The following ZNF804B variants were observed in gnomAD, a reference collection of about 807,000 sequenced individuals.
ZNF804B encodes the protein zinc finger protein 804B.
In ZNF804B, 80 loss-of-function variants were observed where a neutral mutation model predicts 101.4. That is an observed-to-expected ratio of 0.79 (90% CI 0.66 to 0.95). The LOEUF (loss-of-function observed/expected upper bound fraction) is 0.95, where lower values mean the gene tolerates loss of function less well. Among genes scored for constraint, ZNF804B ranks in the 40% least tolerant of loss-of-function variants. The probability of loss-of-function intolerance (pLI) is 0.00; values close to 1 mark genes in which losing one functional copy is unlikely to be tolerated. For synonymous variants in ZNF804B, 622 were observed against 558.8 expected, an observed-to-expected ratio of 1.11 and a Z score of -1.59; for missense variants, 1,673 against 1,561.9, an observed-to-expected ratio of 1.07 and a Z score of -1.20.
intron 1 of ZNF804B, among the ~76,000 whole-genome samples, chr7:88,990,155 CAA>C (rs1377241698): frequency 6.6e-6 from 1 of 151,602 alleles, no homozygotes. Context: ...TTTCATGTAA[CAA>C]ATATATAAAA....
chr7:88,818,345 T>A (rs894298762), intron 1 of ZNF804B, among the ~76,000 whole-genome samples: 7 of 152,104 alleles, frequency 4.6e-5, no homozygotes, highest in Admixed American at 3.3e-4. Context: ...TTATCCTAAT[T>A]AAATAAATAA....
chr7:88,798,700 A>G (rs1790530957), intron 1 of ZNF804B, among the ~76,000 whole-genome samples: 1 of 152,096 alleles, frequency 6.6e-6, no homozygotes, highest in Non-Finnish European at 1.5e-5. Context: ...GTAAGTTCTG[A>G]CTAGATAGAA....
intron 2 of ZNF804B, among the ~76,000 whole-genome samples, chr7:89,305,470 G>A (rs546722448): frequency 2.5e-4 from 38 of 152,052 alleles, no homozygotes; most frequent in African/African-American, 8.4e-4. Context: ...TGAGTAGGTA[G>A]TGTCTCTGTC....
intron 1 of ZNF804B, among the ~76,000 whole-genome samples, chr7:88,909,179 C>T (rs12113884): frequency 0.071 from 10,783 of 151,762 alleles, 490 homozygotes; most frequent in East Asian, 0.25. Flanking sequence ...TGTTCCCTCC[C>T]TATATGGTCT....
chr7:88,991,593 A>G (rs1307400173), intron 1 of ZNF804B, among the ~76,000 whole-genome samples: 2 of 152,170 alleles, frequency 1.3e-5, no homozygotes, highest in Non-Finnish European at 2.9e-5. Flanking sequence ...CTACAACATG[A>G]GAATGAACAA....
At chr7:89,072,673 G>A (rs753805556) in intron 1 of ZNF804B, among the ~76,000 whole-genome samples, 1 of 152,122 alleles carries the variant, frequency 6.6e-6, no homozygotes, top group African/African-American at 2.4e-5. Context: ...AAATTCAGGA[G>A]AGTGACATGA....
At chr7:89,023,432 A>G (rs1788699811) in intron 1 of ZNF804B, among the ~76,000 whole-genome samples, 1 of 152,194 alleles carries the variant, frequency 6.6e-6, no homozygotes, top group Non-Finnish European at 1.5e-5. Context: ...AAATACCACA[A>G]ATACTTTGCT....
At chr7:89,187,987 C>G (rs891187465) in intron 1 of ZNF804B, among the ~76,000 whole-genome samples, 9 of 152,092 alleles carry the variant, frequency 5.9e-5, no homozygotes, top group African/African-American at 2.2e-4. Context: ...AGGACTTATA[C>G]CACATTTGCT....
At chr7:89,208,230 A>C (rs796707626) in intron 1 of ZNF804B, among the ~76,000 whole-genome samples, 9 of 151,842 alleles carry the variant, frequency 5.9e-5, no homozygotes, top group East Asian at 3.9e-4. Context: ...TACAGGTGCC[A>C]GCCACCACGC....
intron 1 of ZNF804B, among the ~76,000 whole-genome samples, chr7:88,858,516 T>G (rs547996814): frequency 6.6e-6 from 1 of 152,142 alleles, no homozygotes; most frequent in Admixed American, 6.5e-5. Context: ...GCAATAGAAT[T>G]TGATGAATAT....
rs539549980 is a variant in ZNF804B at position 88,785,692 on chromosome 7, A to T, written c.108+25608A>T. Among the ~76,000 whole-genome samples the T allele has an allele frequency of 1.2e-3, 179 of 152,220 alleles. 1 individual carries two copies. Among genetic ancestry groups the T allele is most frequent in the Admixed American group, 2.8e-3 (42 of 15,260 alleles). ...TGTACTTGAGGCCCTGCCTTGTAGA[A>T]ATTCTTTCAGTTCTCCCAACACAGT... On this transcript the variant is annotated intron_variant, in intron 1 of 3. Transcript: ENST00000333190.
chr7:89,014,521 T>C (rs1788511821), intron 1 of ZNF804B, among the ~76,000 whole-genome samples: 1 of 152,178 alleles, frequency 6.6e-6, no homozygotes, highest in Non-Finnish European at 1.5e-5. Context: ...TTTCACCGTG[T>C]TAGCCAGAAT....
intron 1 of ZNF804B, among the ~76,000 whole-genome samples, chr7:89,094,821 C>T (rs1356870499): frequency 6.6e-6 from 1 of 151,996 alleles, no homozygotes; most frequent in Non-Finnish European, 1.5e-5. Context: ...AGAATAGTTG[C>T]CTTACCGTGT....
At chr7:89,287,262 G>T (rs922455156) in intron 2 of ZNF804B, among the ~76,000 whole-genome samples, 4 of 152,016 alleles carry the variant, frequency 2.6e-5, no homozygotes, top group African/African-American at 9.7e-5. Flanking sequence ...GCATGGGGTT[G>T]GTACCCCTAA....
intron 2 of ZNF804B, among the ~76,000 whole-genome samples, chr7:89,229,799 A>G (rs1351509147): frequency 1.3e-5 from 2 of 152,228 alleles, no homozygotes; most frequent in Admixed American, 1.3e-4. Context: ...TCACCAAGAA[A>G]GACTAAATTA....
chr7:88,964,894 G>A (rs753059471), intron 1 of ZNF804B, among the ~76,000 whole-genome samples: 2 of 151,198 alleles, frequency 1.3e-5, no homozygotes, highest in African/African-American at 4.8e-5. Flanking sequence ...ATTATATAAA[G>A]CTTCTTAAAG....
At chr7:88,808,582 A>G (rs988868637) in intron 1 of ZNF804B, among the ~76,000 whole-genome samples, 1 of 152,130 alleles carries the variant, frequency 6.6e-6, no homozygotes, top group Non-Finnish European at 1.5e-5. Context: ...CTCTCGCATT[A>G]TGTCTCAAGA....
chr7:88,960,402 A>T (rs1264619300), intron 1 of ZNF804B, among the ~76,000 whole-genome samples: 2 of 151,244 alleles, frequency 1.3e-5, no homozygotes, highest in African/African-American at 2.4e-5. Context: ...GGAAAGGAAA[A>T]TGTGTATGTG....
At position 89,333,592 on chromosome 7, in the gene ZNF804B, C is replaced by A; in HGVS notation, c.610C>A (p.Leu204Met). Residue 204 changes from leucine (L) to methionine (M), a missense_variant, in exon 4 of 4, where the codon CTG (leucine) becomes ATG (methionine). Physicochemically the swap from Leu to Met is conservative, Grantham distance 15. Coordinates refer to ENST00000333190, the MANE Select transcript of ZNF804B (RefSeq NM_181646.5). The part of the protein sequence containing the change: ...DRRCLFGNQV[L>M]QTSSDLSNAN... ...GCGTTGTTTGTTTGGAAATCAGGTA[C>A]TGCAAACATCTTCAGATCTCAGCAA... 6.2e-7 allele frequency: 1 copy of A among 1,613,576 alleles called. No individual in the cohort carries two copies. The highest frequency in any genetic ancestry group is 1.7e-5 in the Admixed American group (1 of 59,908).
Sources: allele counts gnomAD v4.1 joint callset (sites outside exome capture counted in the v4.1 genomes callset), GRCh38; gene constraint gnomAD v4.1.1; transcripts MANE v1.5; gene names NCBI Gene and HGNC (gene_info 2026-07-23, HGNC 2026-07-21).